PPP2R2C: variants seen among roughly 807,000 people sequenced by gnomAD.
The protein encoded by PPP2R2C is protein phosphatase 2, regulatory subunit B, gamma.
A neutral mutation model predicts 45.3 loss-of-function variants in PPP2R2C; 10 were observed. That is an observed-to-expected ratio of 0.22 (90% CI 0.14 to 0.37). The LOEUF (loss-of-function observed/expected upper bound fraction) is 0.37. PPP2R2C is among the 10% of genes least tolerant of loss of function. The pLI is 1.00. For missense variants in PPP2R2C, 308 were observed against 619.7 expected, an observed-to-expected ratio of 0.50 and a Z score of 5.34; for synonymous variants, 257 against 245.4, an observed-to-expected ratio of 1.05 and a Z score of -0.44.
At chr4:6,540,732 A>T (rs1724781110) in intron 1 of PPP2R2C, among the ~76,000 whole-genome samples, 1 of 152,154 alleles carries the variant, frequency 6.6e-6, no homozygotes, top group Non-Finnish European at 1.5e-5. Flanking sequence ...CTGCATGAAG[A>T]TGGGTGTGCT....
At chr4:6,474,026 A>C (rs1330761099), upstream of PPP2R2C, among the ~76,000 whole-genome samples, 1 of 152,192 alleles carries the variant, frequency 6.6e-6, no homozygotes, top group African/African-American at 2.4e-5. Flanking sequence ...GAACAAGCCA[A>C]AATCTCCCAG....
chr4:6,434,540 G>A (rs1450378033), intron 1 of PPP2R2C, among the ~76,000 whole-genome samples: 1 of 151,810 alleles, frequency 6.6e-6, no homozygotes. Context: ...TGTAGTTTTA[G>A]TAGAGATGGG....
chr4:6,498,047 C>G (rs1247221847), intron 2 of PPP2R2C, among the ~76,000 whole-genome samples: 1 of 152,202 alleles, frequency 6.6e-6, no homozygotes, highest in Non-Finnish European at 1.5e-5. Flanking sequence ...CGTGCACACC[C>G]AAACCCCAGC....
At chr4:6,325,029 G>A (rs1731834258) in intron 8 of PPP2R2C, among the ~76,000 whole-genome samples, 1 of 152,202 alleles carries the variant, frequency 6.6e-6, no homozygotes, top group Non-Finnish European at 1.5e-5. Context: ...GACAGAACCA[G>A]GTGGATCCCT....
chr4:6,411,172 C>T (rs911287608), intron 1 of PPP2R2C, among the ~76,000 whole-genome samples: 2 of 152,040 alleles, frequency 1.3e-5, no homozygotes, highest in East Asian at 3.9e-4. Context: ...GTACCTGGCC[C>T]CTAATCCCAT....
chr4:6,391,932 G>A (rs898335012), intron 1 of PPP2R2C, among the ~76,000 whole-genome samples: 3 of 152,302 alleles, frequency 2.0e-5, no homozygotes, highest in East Asian at 1.9e-4. Context: ...GTCCATCTCC[G>A]AGACAGATAC....
At chr4:6,493,707 A>T (rs1043656911) in intron 2 of PPP2R2C, among the ~76,000 whole-genome samples, 1 of 152,070 alleles carries the variant, frequency 6.6e-6, no homozygotes, top group Non-Finnish European at 1.5e-5. Context: ...AGGACGGCAG[A>T]CACGGAGGGG....
At chr4:6,422,053 A>AT (rs33996768) in intron 1 of PPP2R2C, among the ~76,000 whole-genome samples, 72,424 of 149,288 alleles carry the variant, frequency 0.49, 18,234 homozygotes, top group African/African-American at 0.57. Context: ...CATTGGTGCA[A>AT]TTTTTTTTTT....
chr4:6,538,629 G>A (rs539692177), intron 1 of PPP2R2C, among the ~76,000 whole-genome samples: 8 of 152,294 alleles, frequency 5.3e-5, no homozygotes, highest in South Asian at 4.1e-4. Flanking sequence ...GTCATCCACC[G>A]TGGCAGCAGA....
At chr4:6,552,856 T>C (rs1020920769) in intron 1 of PPP2R2C, among the ~76,000 whole-genome samples, 1 of 152,200 alleles carries the variant, frequency 6.6e-6, no homozygotes, top group African/African-American at 2.4e-5. Flanking sequence ...GGTGGGGCCA[T>C]TGCCTGATGT....
chr4:6,384,712 A>G, intron 1 of PPP2R2C: 4 of 985,464 alleles, frequency 4.1e-6, no homozygotes, highest in Non-Finnish European at 4.8e-6. Context: ...TCTGTGGGCA[A>G]TTTACAATTT....
intron 2 of PPP2R2C, among the ~76,000 whole-genome samples, chr4:6,528,589 C>T (rs1034314914): frequency 2.0e-5 from 3 of 152,224 alleles, no homozygotes; most frequent in African/African-American, 4.8e-5. Context: ...CAAAGCCCAA[C>T]GTATCACCCA....
chr4:6,386,316 T>C (rs1039580389), intron 1 of PPP2R2C, among the ~76,000 whole-genome samples: 4 of 152,074 alleles, frequency 2.6e-5, no homozygotes, highest in African/African-American at 9.7e-5. Context: ...ACTGGCTTGA[T>C]AGAGCAGCAA....
rs1731634271 is a variant in PPP2R2C at position 6,322,839 on chromosome 4, CTG to C, written c.*461_*462del. ...GGCTGGCTCGTTTGAGACTCATCAT[CTG>C]TCCCTGGAGCCCTGATCTGGGACCA... On this transcript the variant is annotated 3_prime_UTR_variant, in exon 9 of 9. Coordinates refer to ENST00000382599, the MANE Select transcript of PPP2R2C (RefSeq NM_020416.4). The surrounding 1 kb of genome is among the most constrained non-coding windows in gnomAD (Gnocchi z 7.8). The C allele has an allele frequency of 6.5e-6, 1 of 153,866 alleles. No homozygotes were observed. Among genetic ancestry groups the C allele is most frequent in the Non-Finnish European group, 1.4e-5 (1 of 69,238 alleles). 9.5% of individuals were successfully genotyped at this position (153,866 alleles called of 1,614,324 possible).
intron 1 of PPP2R2C, among the ~76,000 whole-genome samples, chr4:6,390,076 C>T (rs1212151500): frequency 6.6e-6 from 1 of 152,190 alleles, no homozygotes; most frequent in African/African-American, 2.4e-5. Flanking sequence ...AGACTCACAG[C>T]AAAAGGGTCT....
At chr4:6,348,706 G>A in intron 5 of PPP2R2C, 2 of 985,378 alleles carry the variant, frequency 2.0e-6, no homozygotes, top group Non-Finnish European at 2.4e-6. Context: ...GTAGAAAGAA[G>A]GAGCTTCTAT....
chr4:6,429,242 C>T (rs529226519), intron 1 of PPP2R2C, among the ~76,000 whole-genome samples: 10 of 152,300 alleles, frequency 6.6e-5, no homozygotes, highest in East Asian at 3.9e-4. Flanking sequence ...AATTCCTGAC[C>T]GTGACGCTGC....
At chr4:6,534,134 T>TAACACACACACC (rs1724501232) in intron 2 of PPP2R2C, among the ~76,000 whole-genome samples, 1 of 133,222 alleles carries the variant, frequency 7.5e-6, no homozygotes, top group African/African-American at 2.9e-5. Flanking sequence ...ACACATACAC[T>TAACACACACACC]AACACACACA....
rs1024028470 is a variant in PPP2R2C at position 6,330,831 on chromosome 4, A to G, written c.961-1478T>C. On this transcript the variant is annotated intron_variant, in intron 7 of 8. Transcript: ENST00000382599. The surrounding 1 kb of genome is among the most constrained non-coding windows in gnomAD (Gnocchi z 7.0). ...TCACTGCACACAGGATGGTTAGACA[A>G]GGCTACCTGACTCCCGCCTGGGGCC... Among the ~76,000 whole-genome samples, 2 of 152,142 alleles carry G rather than the reference A, an allele frequency of 1.3e-5. No individual in the cohort carries two copies. Among genetic ancestry groups the G allele is most frequent in the East Asian group, 3.9e-4 (2 of 5,178 alleles).
Sources: allele counts gnomAD v4.1 joint callset (sites outside exome capture counted in the v4.1 genomes callset), GRCh38; gene constraint gnomAD v4.1.1; non-coding constraint Gnocchi (gnomAD v3.1); transcripts MANE v1.5; gene names NCBI Gene and HGNC (gene_info 2026-07-23, HGNC 2026-07-21).